Variants in ADAMTS17 observed in about 807,000 individuals in gnomAD.
ADAMTS17 encodes the protein A disintegrin and metalloproteinase with thrombospondin motifs 17.
Under a neutral mutation model 141.5 loss-of-function variants are expected in ADAMTS17, and 113 were observed. The observed-to-expected ratio is 0.80, with a 90% CI of 0.69 to 0.93. The LOEUF is 0.93. ADAMTS17 is among the 40% of genes least tolerant of loss of function. ADAMTS17 has a pLI of 0.00. For synonymous variants in ADAMTS17, 768 were observed against 630.6 expected (o/e 1.22, Z -3.27); for missense variants, 1,659 against 1,517.9 (o/e 1.09, Z -1.54).
intron 7 of ADAMTS17, among the ~76,000 whole-genome samples, chr15:100,228,275 C>T (rs972809367): frequency 2.6e-5 from 4 of 152,164 alleles, no homozygotes; most frequent in Admixed American, 6.5e-5. Context: ...CCATCCAGCG[C>T]GTGACCTCTG....
At chr15:100,209,759 G>C (rs2041729999) in intron 7 of ADAMTS17, among the ~76,000 whole-genome samples, 1 of 152,180 alleles carries the variant, frequency 6.6e-6, no homozygotes, top group African/African-American at 2.4e-5. Flanking sequence ...CAGCGTGGCA[G>C]AAAGTGGATG....
chr15:100,185,865 C>G (rs1173557914), intron 8 of ADAMTS17, among the ~76,000 whole-genome samples: 3 of 152,206 alleles, frequency 2.0e-5, no homozygotes, highest in Non-Finnish European at 4.4e-5. Flanking sequence ...ACACAAGCCT[C>G]CTGGTGCCAC....
At chr15:100,281,880 G>A (rs1273097479) in intron 3 of ADAMTS17, among the ~76,000 whole-genome samples, 2 of 152,136 alleles carry the variant, frequency 1.3e-5, no homozygotes, top group Non-Finnish European at 2.9e-5. Context: ...GGAATCAGGA[G>A]CCATAAATGT....
At chr15:100,228,081 T>C (rs2042365752) in intron 7 of ADAMTS17, among the ~76,000 whole-genome samples, 1 of 152,206 alleles carries the variant, frequency 6.6e-6, no homozygotes. Flanking sequence ...TTCTCACTAC[T>C]GGGCCTCCTT....
chr15:100,246,079 C>A (rs1339398164), intron 7 of ADAMTS17, among the ~76,000 whole-genome samples: 1 of 152,170 alleles, frequency 6.6e-6, no homozygotes, highest in East Asian at 1.9e-4. Flanking sequence ...ACAGCTCCTA[C>A]ACACAGTCTT....
At chr15:100,118,616 G>A (rs1263804794) in intron 12 of ADAMTS17, among the ~76,000 whole-genome samples, 1 of 152,196 alleles carries the variant, frequency 6.6e-6, no homozygotes, top group Non-Finnish European at 1.5e-5. Flanking sequence ...TGCATGGTGT[G>A]TTTAGGCAGA....
chr15:100,132,662 T>C (rs2038112106), intron 11 of ADAMTS17, among the ~76,000 whole-genome samples: 1 of 152,246 alleles, frequency 6.6e-6, no homozygotes, highest in Non-Finnish European at 1.5e-5. Context: ...AGGTGCTAGG[T>C]GTGATTTCTG....
intron 8 of ADAMTS17, among the ~76,000 whole-genome samples, chr15:100,188,350 T>A (rs1445235555): frequency 1.3e-5 from 2 of 151,900 alleles, no homozygotes; most frequent in Non-Finnish European, 2.9e-5. Context: ...ATGCTGGGAT[T>A]TTAGGCATGA....
At chr15:100,084,833 A>C (rs1016210826) in intron 15 of ADAMTS17, among the ~76,000 whole-genome samples, 15 of 152,132 alleles carry the variant, frequency 9.9e-5, no homozygotes, top group Admixed American at 2.0e-4. Context: ...CACACCAAAA[A>C]CCCATCTGTA....
chr15:100,309,715 T>TC, intron 3 of ADAMTS17, among the ~76,000 whole-genome samples: 1 of 152,296 alleles, frequency 6.6e-6, no homozygotes, highest in Non-Finnish European at 1.5e-5. Context: ...ATATCTTGCT[T>TC]CCCCAGGGAG....
rs557782680 is a variant in ADAMTS17 at position 100,151,204 on chromosome 15, G to A, written c.1473+1408C>T. ...CCACTGGTCTCTGGAGGGGACCCTC[G>A]CAGGCGTGCTCCCCAGGGGAATGGC... On this transcript the variant is annotated intron_variant, in intron 10 of 21. Coordinates refer to ENST00000268070, the MANE Select transcript of ADAMTS17 (RefSeq NM_139057.4). Among the ~76,000 whole-genome samples, 17 of 152,268 alleles carry A rather than the reference G, an allele frequency of 1.1e-4. No individual in the cohort carries two copies. The South Asian group carries it at 2.3e-3, about 20-fold the overall frequency.
intron 8 of ADAMTS17, among the ~76,000 whole-genome samples, chr15:100,179,142 G>T (rs145442528): frequency 6.6e-6 from 1 of 152,228 alleles, no homozygotes; most frequent in African/African-American, 2.4e-5. Flanking sequence ...CTATAGCCCT[G>T]TTGTGGAACC....
intron 7 of ADAMTS17, among the ~76,000 whole-genome samples, chr15:100,211,837 A>G (rs2041819701): frequency 6.6e-6 from 1 of 152,230 alleles, no homozygotes; most frequent in South Asian, 2.1e-4. Context: ...AAATTCTGAC[A>G]ATAACCGGCA....
intron 20 of ADAMTS17, among the ~76,000 whole-genome samples, chr15:99,977,356 A>T (rs1407238155): frequency 8.0e-4 from 1 of 1,244 alleles, no homozygotes; most frequent in Admixed American, 0.012. Context: ...CTTCATATAT[A>T]TATATATATA....
Position 100,152,721 on chromosome 15 carries a change from C to G in ADAMTS17, c.1364G>C (p.Ser455Thr). 1 of 1,614,234 alleles carries G rather than the reference C, an allele frequency of 6.2e-7. No homozygotes were observed. The highest frequency in any genetic ancestry group is 8.5e-7 in the Non-Finnish European group (1 of 1,180,046). The change falls in exon 10 of 22, where the codon AGC (serine) becomes ACC (threonine). Residue 455 changes from serine to threonine, a missense_variant. Transcript: ENST00000268070. ...STCLLVTDPR[S>T]QHTVRLPHKL... ...GTGCGGGAGGCGTACTGTGTGCTGG[C>G]TTCTGGGGTCCGTGACTAGCAAGCA...
At chr15:100,016,090 G>T (rs1042501256) in intron 18 of ADAMTS17, among the ~76,000 whole-genome samples, 1 of 152,110 alleles carries the variant, frequency 6.6e-6, no homozygotes, top group African/African-American at 2.4e-5. Flanking sequence ...GTTGGATTGG[G>T]TTAATTCAAA....
In ADAMTS17 at chr15:100,261,652, G is replaced by A. The variant is rs1261891510; in HGVS notation, c.874-16C>T. 6.2e-7 allele frequency: 1 copy of A among 1,612,192 alleles called. No homozygotes were observed. Among genetic ancestry groups the A allele is most frequent in the Non-Finnish European group, 8.5e-7 (1 of 1,179,092 alleles). On this transcript the variant is annotated splice_polypyrimidine_tract_variant and intron_variant, in intron 5 of 21. Transcript: ENST00000268070. ...ACAACTTAGCCTAAAAAAAGTCAGAGGACAGTTAGAGAAACAAACGCCTGG... is the reference window on the plus strand; with the variant it reads ...ACAACTTAGCCTAAAAAAAGTCAGAAGACAGTTAGAGAAACAAACGCCTGG...
chr15:100,011,057 T>C, intron 18 of ADAMTS17, among the ~76,000 whole-genome samples: 1 of 151,826 alleles, frequency 6.6e-6, no homozygotes. Context: ...GCAGACAACG[T>C]TGTCTTTTGC....
intron 4 of ADAMTS17, among the ~76,000 whole-genome samples, chr15:100,268,414 C>G (rs1007871771): frequency 2.0e-5 from 3 of 152,186 alleles, no homozygotes; most frequent in Non-Finnish European, 4.4e-5. Flanking sequence ...TACCTTCCCA[C>G]CAACAGCGTA....
Sources: gnomAD v4.1 joint callset for allele counts (sites outside exome capture counted in the v4.1 genomes callset) on GRCh38, gnomAD v4.1.1 for gene constraint, MANE v1.5 for transcripts, NCBI Gene and HGNC (gene_info 2026-07-23, HGNC 2026-07-21) for gene names.